PDE10A: variants seen among roughly 807,000 people sequenced by gnomAD.
The protein encoded by PDE10A is phosphodiesterase 10A.
In PDE10A, 39 loss-of-function variants were observed where a neutral mutation model predicts 97.7. The ratio of observed to expected loss-of-function variants is 0.40; its 90% CI spans 0.31 to 0.52. PDE10A has a LOEUF of 0.52. PDE10A is among the 20% of genes least tolerant of loss of function. The pLI is 0.56. For synonymous variants in PDE10A, 371 were observed against 376.8 expected (o/e 0.98, Z 0.18); for missense variants, 731 against 1,047.8 (o/e 0.70, Z 4.17).
intron 1 of PDE10A, chr6:165,545,275 T>C (rs2128324974): frequency 2.1e-6 from 1 of 481,330 alleles, no homozygotes; most frequent in African/African-American, 2.0e-5. Flanking sequence ...TCTTAACATA[T>C]TTTTAATCTC....
chr6:165,875,683 A>G (rs2248926), intron 1 of PDE10A, among the ~76,000 whole-genome samples: 116,012 of 150,636 alleles, frequency 0.77, 44,837 homozygotes, highest in East Asian at 0.96. Flanking sequence ...AAACATTCAC[A>G]GTGATATTTT....
chr6:165,679,162 G>A (rs12211492), intron 1 of PDE10A, among the ~76,000 whole-genome samples: 3,147 of 152,276 alleles, frequency 0.021, 33 homozygotes, highest in Middle Eastern at 0.048. Context: ...TTATCTTCAG[G>A]ACAGCCTCAT....
At chr6:165,539,314 A>C (rs1783281874) in intron 2 of PDE10A, among the ~76,000 whole-genome samples, 1 of 152,218 alleles carries the variant, frequency 6.6e-6, no homozygotes, top group East Asian at 1.9e-4. Context: ...GTTAGAAAAA[A>C]AGACTCTGGA....
intron 1 of PDE10A, among the ~76,000 whole-genome samples, chr6:165,558,918 T>C (rs1023633313): frequency 6.6e-6 from 1 of 152,090 alleles, no homozygotes; most frequent in Non-Finnish European, 1.5e-5. Flanking sequence ...AACCTGCACG[T>C]TGTGCACATG....
chr6:165,500,336 A>G (rs533973045), intron 2 of PDE10A, among the ~76,000 whole-genome samples: 5 of 152,346 alleles, frequency 3.3e-5, no homozygotes, highest in Non-Finnish European at 5.9e-5. Context: ...AGAAGTAGAC[A>G]TAAGAGACTC....
intron 1 of PDE10A, among the ~76,000 whole-genome samples, chr6:165,814,962 A>C (rs1314161913): frequency 6.6e-6 from 1 of 152,106 alleles, no homozygotes; most frequent in East Asian, 1.9e-4. Flanking sequence ...GAGATGAATG[A>C]GTCACACAAT....
intron 1 of PDE10A, among the ~76,000 whole-genome samples, chr6:165,668,646 C>G (rs1201541132): frequency 6.7e-6 from 1 of 150,288 alleles, no homozygotes; most frequent in East Asian, 2.0e-4. Context: ...AGAACTGATT[C>G]CTTTCTCTTT....
chr6:165,564,990 T>C (rs1300118159), intron 1 of PDE10A, among the ~76,000 whole-genome samples: 1 of 152,090 alleles, frequency 6.6e-6, no homozygotes, highest in Non-Finnish European at 1.5e-5. Flanking sequence ...ATGTTGTCTA[T>C]AAAAGATGCA....
intron 17 of PDE10A, 136 bp from the exon 18 acceptor site, chr6:165,379,502 T>A (rs1784809936): frequency 4.8e-6 from 3 of 624,808 alleles, no homozygotes; most frequent in Non-Finnish European, 7.6e-6. Flanking sequence ...GTAACTTTTG[T>A]TTTTTTTGAA....
At chr6:165,379,154 AC>A in intron 18 of PDE10A, 39 bp downstream of exon 18, 1 of 1,340,736 alleles carries the variant, frequency 7.5e-7, no homozygotes, top group Admixed American at 2.0e-5. Context: ...ATTCCAGATA[AC>A]ACTTTCTGGG....
At chr6:165,845,309 A>G (rs1158304312) in intron 1 of PDE10A, among the ~76,000 whole-genome samples, 1 of 152,258 alleles carries the variant, frequency 6.6e-6, no homozygotes, top group East Asian at 1.9e-4. Flanking sequence ...TTTTTACTTA[A>G]AAAATTATCA....
At chr6:165,404,512 G>A (rs1298100729) in intron 13 of PDE10A, among the ~76,000 whole-genome samples, 1 of 152,010 alleles carries the variant, frequency 6.6e-6, no homozygotes, top group African/African-American at 2.4e-5. Flanking sequence ...ACATATTGCA[G>A]GAATTTCAAG....
chr6:165,851,215 TC>T (rs1426777066), intron 1 of PDE10A, among the ~76,000 whole-genome samples: 2 of 152,250 alleles, frequency 1.3e-5, no homozygotes, highest in Non-Finnish European at 2.9e-5. Flanking sequence ...AAAGAGTTAT[TC>T]AGGTTTTGGA....
At chr6:165,858,754 A>G (rs77247883) in intron 1 of PDE10A, among the ~76,000 whole-genome samples, 6,402 of 152,228 alleles carry the variant, frequency 0.042, 161 homozygotes, top group Middle Eastern at 0.078. Flanking sequence ...GCTTTTAAGG[A>G]AGATGCTCCT....
chr6:165,786,002 C>A (rs1455395665), intron 1 of PDE10A, among the ~76,000 whole-genome samples: 1 of 152,186 alleles, frequency 6.6e-6, no homozygotes, highest in East Asian at 1.9e-4. Flanking sequence ...TTAGTGGTCA[C>A]CATATTCCTC....
At chr6:165,927,680 T>TATATATATATATATA (rs60860187) in intron 1 of PDE10A, among the ~76,000 whole-genome samples, 13 of 50,884 alleles carry the variant, frequency 2.6e-4, no homozygotes, top group East Asian at 4.5e-4. Flanking sequence ...ATATATATAG[T>TATATATATATATATA]TTTTTGTTTG....
chr6:165,626,749 C>T (rs528025425), intron 1 of PDE10A, among the ~76,000 whole-genome samples: 43 of 128,844 alleles, frequency 3.3e-4, no homozygotes, highest in South Asian at 1.2e-3. Context: ...AAGGGGAAAG[C>T]GAGGTGGGGC....
At chr6:165,704,228 C>T (rs1258114758) in intron 1 of PDE10A, among the ~76,000 whole-genome samples, 4 of 152,280 alleles carry the variant, frequency 2.6e-5, no homozygotes, top group Middle Eastern at 3.4e-3. Flanking sequence ...ATCAGGCTCA[C>T]ACAATGGCAG....
chr6:165,390,811 C>T (rs899806524), intron 16 of PDE10A, among the ~76,000 whole-genome samples: 13 of 152,138 alleles, frequency 8.5e-5, no homozygotes, highest in Admixed American at 1.3e-4. Context: ...TGGTTTTTCC[C>T]GCCACATAAT....
Sources: allele counts gnomAD v4.1 joint callset (sites outside exome capture counted in the v4.1 genomes callset), GRCh38; gene constraint gnomAD v4.1.1; transcripts MANE v1.5; gene names NCBI Gene and HGNC (gene_info 2026-07-23, HGNC 2026-07-21).